The following ASF1A variants were observed in gnomAD, a reference collection of about 807,000 sequenced individuals.
ASF1A encodes histone chaperone ASF1A.
A neutral mutation model predicts 22.0 loss-of-function variants in ASF1A; 5 were observed. The observed-to-expected ratio is 0.23, with a 90% CI of 0.12 to 0.48. ASF1A has a LOEUF of 0.48. Among genes scored for constraint, ASF1A ranks in the 20% least tolerant of loss-of-function variants. The probability of loss-of-function intolerance (pLI) is 0.99; values close to 1 mark genes in which losing one functional copy is unlikely to be tolerated. For missense variants in ASF1A, 137 were observed against 240.6 expected, an observed-to-expected ratio of 0.57 and a Z score of 2.85; for synonymous variants, 97 against 86.7, an observed-to-expected ratio of 1.12 and a Z score of -0.66.
intron 1 of ASF1A, among the ~76,000 whole-genome samples, chr6:118,898,721 CTA>C (rs1278977033): frequency 6.6e-6 from 1 of 152,194 alleles, no homozygotes; most frequent in Non-Finnish European, 1.5e-5. Context: ...CCCAGCCACT[CTA>C]TGTGATAATT....
intron 1 of ASF1A, among the ~76,000 whole-genome samples, chr6:118,899,881 A>G (rs1486232952): frequency 1.3e-5 from 2 of 152,204 alleles, no homozygotes; most frequent in African/African-American, 2.4e-5. Flanking sequence ...CAAAATACCC[A>G]AAGAAGATGA....
At chr6:118,906,592 A>T (rs1303750687) in intron 3 of ASF1A, among the ~76,000 whole-genome samples, 2 of 152,226 alleles carry the variant, frequency 1.3e-5, no homozygotes, top group East Asian at 3.8e-4. Context: ...ATCTCAAAAC[A>T]CCTATACGCT....
intron 2 of ASF1A, among the ~76,000 whole-genome samples, chr6:118,902,351 C>G (rs902704283): frequency 1.3e-5 from 2 of 152,110 alleles, no homozygotes; most frequent in African/African-American, 4.8e-5. Context: ...TATAATCAGT[C>G]ACTCATAAAG....
chr6:118,900,078 C>T (rs1320593097), intron 1 of ASF1A, among the ~76,000 whole-genome samples: 2 of 152,182 alleles, frequency 1.3e-5, no homozygotes, highest in Non-Finnish European at 2.9e-5. Flanking sequence ...GTCTTTTCCT[C>T]CTGCCTATCT....
intron 1 of ASF1A, among the ~76,000 whole-genome samples, chr6:118,899,368 CTTT>C (rs1195544733): frequency 3.3e-5 from 5 of 152,140 alleles, no homozygotes; most frequent in Non-Finnish European, 7.4e-5. Flanking sequence ...GGGTTTGGTG[CTTT>C]CCTCCTTCCT....
chr6:118,897,210 C>T (rs1380091422), intron 1 of ASF1A, among the ~76,000 whole-genome samples: 1 of 152,078 alleles, frequency 6.6e-6, no homozygotes, highest in Non-Finnish European at 1.5e-5. Context: ...AGAGTTTGGC[C>T]ACCGTTTTTC....
chr6:118,900,746 C>G lies in ASF1A; in HGVS notation c.110-20C>G. The G allele has an allele frequency of 6.7e-7, 1 of 1,492,500 alleles. No individual in the cohort carries two copies. Among genetic ancestry groups the G allele is most frequent in the Non-Finnish European group, 9.4e-7 (1 of 1,069,242 alleles). 92.5% of individuals were successfully genotyped at this position (1,492,500 alleles called of 1,614,324 possible). ...TGTAATTACTGAATATGAAATAATG[C>G]TTTGGTTTTTTAACCCTAGACTTGG... is the stretch of plus-strand genomic sequence containing the variant. On this transcript the variant is annotated intron_variant, in intron 1 of 3. Transcript: ENST00000229595.
At chr6:118,897,118 G>A (rs970302601) in intron 1 of ASF1A, among the ~76,000 whole-genome samples, 7 of 152,028 alleles carry the variant, frequency 4.6e-5, no homozygotes, top group Non-Finnish European at 7.4e-5. Flanking sequence ...TGATTATAGT[G>A]AGCCCACTGC....
At chr6:118,903,078 T>C (rs777359213) in intron 2 of ASF1A, among the ~76,000 whole-genome samples, 1 of 152,208 alleles carries the variant, frequency 6.6e-6, no homozygotes, top group Non-Finnish European at 1.5e-5. Context: ...AATTGTAAAA[T>C]GCTTTTTAAA....
At chr6:118,897,493 T>C (rs193229591) in intron 1 of ASF1A, among the ~76,000 whole-genome samples, 1 of 152,240 alleles carries the variant, frequency 6.6e-6, no homozygotes, top group Admixed American at 6.5e-5. Context: ...ATACTTATAA[T>C]ATACCAGAAT....
At chr6:118,895,884 T>C (rs1779364934) in intron 1 of ASF1A, among the ~76,000 whole-genome samples, 2 of 152,082 alleles carry the variant, frequency 1.3e-5, no homozygotes, top group African/African-American at 4.8e-5. Flanking sequence ...GTATATATCA[T>C]ATGTAAGGTT....
chr6:118,905,517 T>G (rs1226085747), intron 2 of ASF1A, 135 bp from the exon 3 acceptor site: 14 of 629,966 alleles, frequency 2.2e-5, no homozygotes, highest in Non-Finnish European at 3.5e-5. Context: ...ATGAGCATTT[T>G]CCTTCCCAGT....
intron 3 of ASF1A, among the ~76,000 whole-genome samples, chr6:118,906,593 CCT>C (rs979441602): frequency 1.3e-5 from 2 of 152,148 alleles, no homozygotes; most frequent in African/African-American, 4.8e-5. Context: ...TCTCAAAACA[CCT>C]ATACGCTTTA....
At chr6:118,902,144 A>G (rs923654347) in intron 2 of ASF1A, among the ~76,000 whole-genome samples, 1 of 152,236 alleles carries the variant, frequency 6.6e-6, no homozygotes, top group Non-Finnish European at 1.5e-5. Context: ...GTGCATAACC[A>G]TGTAAAAGAC....
intron 1 of ASF1A, among the ~76,000 whole-genome samples, chr6:118,894,829 C>CCTGAGGTCGCGCCGGG: frequency 6.6e-6 from 1 of 152,190 alleles, no homozygotes. Flanking sequence ...CGCTGCGCCG[C>CCTGAGGTCGCGCCGGG]CTGAGGTCGC....
intron 1 of ASF1A, among the ~76,000 whole-genome samples, chr6:118,896,045 T>TG (rs1424324728): frequency 2.9e-4 from 43 of 148,426 alleles, no homozygotes; most frequent in African/African-American, 1.1e-3. Context: ...GCCCCCGTTT[T>TG]TTTTTTTTTT....
rs1780269712 is a variant in ASF1A at position 118,907,671 on chromosome 6, C to T, written c.*57C>T. 1.5e-6 allele frequency: 2 copies of T among 1,372,792 alleles called. No homozygotes were observed. The highest frequency in any genetic ancestry group is 1.8e-5 in the Admixed American group (1 of 55,532). 85.0% of individuals were successfully genotyped at this position (1,372,792 alleles called of 1,614,324 possible). A position where few individuals can be genotyped will look rare whatever the true frequency, so the allele number is the denominator to read the frequency against. On this transcript the variant is annotated 3_prime_UTR_variant, in exon 4 of 4. Coordinates refer to ENST00000229595, the MANE Select transcript of ASF1A (RefSeq NM_014034.3). ...TATTAAAAATACACAGAACTATTTCCCTGAAATTCCGTAAGTACATAGTCA... is the reference window on the plus strand; with the variant it reads ...TATTAAAAATACACAGAACTATTTCTCTGAAATTCCGTAAGTACATAGTCA...
Position 118,908,887 on chromosome 6 carries a change from TGAG to T in ASF1A, c.*1276_*1278del, listed in dbSNP as rs1410810853. The T allele has an allele frequency of 6.6e-6, 1 of 152,608 alleles. No individual in the cohort carries two copies. Among genetic ancestry groups the T allele is most frequent in the Non-Finnish European group, 1.5e-5 (1 of 68,024 alleles). The allele number at this position is 152,608 out of a possible 1,614,324, so 9.5% of individuals were successfully genotyped here. A position where few individuals can be genotyped will look rare whatever the true frequency, so the allele number is the denominator to read the frequency against. ...ACTGCACTTTTTAAAGCTTTTATGT[TGAG>T]GAAAGGAAAAGGGCATTTGTCTAAA... On this transcript the variant is annotated 3_prime_UTR_variant, in exon 4 of 4. Coordinates refer to ENST00000229595, the MANE Select transcript of ASF1A (RefSeq NM_014034.3).
chr6:118,896,497 A>G (rs1164446340), intron 1 of ASF1A, among the ~76,000 whole-genome samples: 1 of 152,194 alleles, frequency 6.6e-6, no homozygotes, highest in Non-Finnish European at 1.5e-5. Flanking sequence ...AGCCATTCAT[A>G]AAGCCAAAAC....
Sources: allele counts gnomAD v4.1 joint callset (sites outside exome capture counted in the v4.1 genomes callset), GRCh38; gene constraint gnomAD v4.1.1; transcripts MANE v1.5; gene names NCBI Gene and HGNC (gene_info 2026-07-23, HGNC 2026-07-21).